Variants in COQ3 observed in about 807,000 individuals in gnomAD.
COQ3 encodes ubiquinone biosynthesis O-methyltransferase, mitochondrial.
A neutral mutation model predicts 33.1 loss-of-function variants in COQ3; 29 were observed. The ratio of observed to expected loss-of-function variants is 0.88; its 90% CI spans 0.65 to 1.19. The LOEUF (loss-of-function observed/expected upper bound fraction) is 1.19. COQ3 is among the 50% of genes most tolerant of loss of function. COQ3 has a pLI of 0.00. For synonymous variants in COQ3, 173 were observed against 157.8 expected, an observed-to-expected ratio of 1.10 and a Z score of -0.72; for missense variants, 437 against 430.7, an observed-to-expected ratio of 1.01 and a Z score of -0.13.
chr6:99,380,416 AAGAT>A, intron 2 of COQ3, 75 bp from the exon 3 acceptor site: 1 of 1,452,080 alleles, frequency 6.9e-7, no homozygotes. Flanking sequence ...ATTATGTAGA[AAGAT>A]AGTCTTATTT....
chr6:99,386,959 T>A lies in COQ3; in HGVS notation c.107-3135A>T, dbSNP rs145958579. ...AGCCAACATTACTCTGATACAAAAATCAAAGAGTACAGCAAAGACTACAGA... is the reference window on the plus strand; with the variant it reads ...AGCCAACATTACTCTGATACAAAAAACAAAGAGTACAGCAAAGACTACAGA... On this transcript the variant is annotated intron_variant, in intron 1 of 6. Transcript: ENST00000254759. 2.4e-3 allele frequency among the ~76,000 whole-genome samples: 368 copies of A among 152,058 alleles called. 1 individual carries two copies. Among genetic ancestry groups the A allele is most frequent in the African/African-American group, 8.3e-3 (343 of 41,498 alleles).
At chr6:99,370,993 A>G (rs984101998) in intron 6 of COQ3, among the ~76,000 whole-genome samples, 2 of 152,192 alleles carry the variant, frequency 1.3e-5, no homozygotes, top group African/African-American at 2.4e-5. Context: ...CCATAAAGTC[A>G]TGCTGTAAGT....
chr6:99,373,285 A>G (rs751839395), intron 5 of COQ3, among the ~76,000 whole-genome samples: 1 of 152,124 alleles, frequency 6.6e-6, no homozygotes, highest in African/African-American at 2.4e-5. Context: ...TAAAAAAACT[A>G]TCAGGCATGG....
At chr6:99,377,996 A>T (rs1254103655) in intron 3 of COQ3, among the ~76,000 whole-genome samples, 1 of 151,110 alleles carries the variant, frequency 6.6e-6, no homozygotes, top group East Asian at 1.9e-4. Context: ...ATCTAAATCA[A>T]GTAAACTTAC....
chr6:99,380,596 G>C (rs181410724), intron 2 of COQ3, among the ~76,000 whole-genome samples: 1 of 152,118 alleles, frequency 6.6e-6, no homozygotes, highest in Non-Finnish European at 1.5e-5. Context: ...TTAGCCTTCT[G>C]GGTCATATCT....
intron 1 of COQ3, 127 bp downstream of exon 1, chr6:99,393,947 G>T: frequency 1.4e-6 from 1 of 736,576 alleles, no homozygotes; most frequent in Non-Finnish European, 2.3e-6. Context: ...CCAGGACCAA[G>T]CCTTAGGTTT....
chr6:99,383,617 T>C (rs1382144945), intron 2 of COQ3, 81 bp downstream of exon 2: 3 of 1,087,016 alleles, frequency 2.8e-6, no homozygotes, highest in Non-Finnish European at 3.9e-6. Context: ...TATTACATAC[T>C]GACTGGGTTT....
intron 5 of COQ3, among the ~76,000 whole-genome samples, chr6:99,375,373 C>A (rs1356961225): frequency 2.6e-5 from 4 of 151,322 alleles, no homozygotes; most frequent in Non-Finnish European, 5.9e-5. Flanking sequence ...CCGTGTTCAG[C>A]ACCAATATTT....
intron 5 of COQ3, among the ~76,000 whole-genome samples, chr6:99,373,679 C>G (rs182967904): frequency 1.3e-5 from 2 of 151,916 alleles, no homozygotes; most frequent in African/African-American, 4.8e-5. Flanking sequence ...AAGAGATAAG[C>G]CTAGTAAAAC....
At chr6:99,392,608 G>A (rs1774861868) in intron 1 of COQ3, among the ~76,000 whole-genome samples, 1 of 150,284 alleles carries the variant, frequency 6.7e-6, no homozygotes, top group Admixed American at 6.6e-5. Context: ...TCTCGAGCTG[G>A]TCCTTTCCCC....
intron 1 of COQ3, among the ~76,000 whole-genome samples, chr6:99,387,739 G>C (rs999734728): frequency 6.6e-6 from 1 of 152,150 alleles, no homozygotes; most frequent in Non-Finnish European, 1.5e-5. Flanking sequence ...CTTATTCAGT[G>C]CAATGAGGCA....
At chr6:99,385,848 A>C (rs577780518) in intron 1 of COQ3, among the ~76,000 whole-genome samples, 137 of 151,734 alleles carry the variant, frequency 9.0e-4, no homozygotes, top group African/African-American at 3.2e-3. Context: ...ATGGTGGTAC[A>C]CACCTGTAGT....
Position 99,383,766 on chromosome 6 carries a change from T to C in COQ3, c.165A>G (p.Glu55=). 5.0e-6 allele frequency: 8 copies of C among 1,602,158 alleles called. No homozygotes were observed. The highest frequency in any genetic ancestry group is 1.1e-5 in the South Asian group (1 of 88,388). The change falls in exon 2 of 7, where the codon GAA becomes GAG. Residue 55 remains glutamate, a synonymous_variant. Coordinates refer to ENST00000254759, the MANE Select transcript of COQ3 (RefSeq NM_017421.4). ...TLQIKPGVFN[E]YRTIWFKSYR... The stretch of plus-strand genomic sequence containing the variant: ...AGGATTTGAACCATATGGTTCTGTA[T>C]TCATTGAAAACCCCTGGTTTAATCT...
chr6:99,374,117 A>T (rs1404169277), intron 5 of COQ3, among the ~76,000 whole-genome samples: 1 of 138,022 alleles, frequency 7.2e-6, no homozygotes, highest in African/African-American at 2.8e-5. Flanking sequence ...GCAAACTGAC[A>T]TTAGCAAAAA....
At chr6:99,379,864 A>T (rs947100586) in intron 3 of COQ3, among the ~76,000 whole-genome samples, 2 of 151,882 alleles carry the variant, frequency 1.3e-5, no homozygotes, top group Non-Finnish European at 2.9e-5. Context: ...TCAAAAAAAA[A>T]AATAATTAAA....
chr6:99,388,886 TACACGCACACAC>T (rs1774735540), intron 1 of COQ3, among the ~76,000 whole-genome samples: 1 of 79,684 alleles, frequency 1.3e-5, no homozygotes, highest in African/African-American at 4.7e-5. Context: ...CACTAATGTA[TACACGCACACAC>T]ACACACACAC....
At chr6:99,391,545 A>G (rs1774830596) in intron 1 of COQ3, among the ~76,000 whole-genome samples, 1 of 152,228 alleles carries the variant, frequency 6.6e-6, no homozygotes. Context: ...ATACATCGAT[A>G]ACGACATATA....
chr6:99,372,815 A>G (rs1485017012), intron 5 of COQ3, among the ~76,000 whole-genome samples: 1 of 152,106 alleles, frequency 6.6e-6, no homozygotes, highest in Non-Finnish European at 1.5e-5. Context: ...AAACATTCTC[A>G]TTAGCCTGAT....
rs779763706 is a variant in COQ3, at chr6:99,376,091, A to G, written c.578T>C (p.Val193Ala). ...TCTGTACTCTATTCTCTTATCCAGG[A>G]CTGGATCAAATGATTTATGGCATTG... Reference protein sequence around the residue: ...TAQCHKSFDPVLDKRIEYRVC... With the variant: ...TAQCHKSFDPALDKRIEYRVC... Residue 193 changes from valine (V) to alanine (A), a missense_variant, in exon 5 of 7, where the codon GTC becomes GCC. By Grantham distance (64) the Val-to-Ala change is moderately conservative. Coordinates refer to ENST00000254759, the MANE Select transcript of COQ3 (RefSeq NM_017421.4). The G allele has an allele frequency of 6.2e-5, 100 of 1,613,842 alleles. No homozygotes were observed. Among genetic ancestry groups the G allele is most frequent in the Non-Finnish European group, 8.4e-5 (99 of 1,179,844 alleles).
Sources: gnomAD v4.1 joint callset for allele counts (sites outside exome capture counted in the v4.1 genomes callset) on GRCh38, gnomAD v4.1.1 for gene constraint, MANE v1.5 for transcripts, NCBI Gene and HGNC (gene_info 2026-07-23, HGNC 2026-07-21) for gene names.